The following DCLK1 variants were observed in gnomAD, a reference collection of about 807,000 sequenced individuals.
The protein encoded by DCLK1 is serine/threonine-protein kinase DCLK1.
DCLK1 carries 16 observed loss-of-function variants against 86.2 expected under a neutral mutation model. The ratio of observed to expected loss-of-function variants is 0.19; its 90% CI spans 0.13 to 0.28. The LOEUF is 0.28. Among genes scored for constraint, DCLK1 ranks in the 10% least tolerant of loss-of-function variants. DCLK1 has a pLI of 1.00. For synonymous variants in DCLK1, 369 were observed against 370.5 expected, an observed-to-expected ratio of 1.00 and a Z score of 0.05; for missense variants, 590 against 940.2, an observed-to-expected ratio of 0.63 and a Z score of 4.87.
chr13:36,090,065 G>A (rs1376120689), intron 3 of DCLK1, among the ~76,000 whole-genome samples: 3 of 152,264 alleles, frequency 2.0e-5, no homozygotes, highest in South Asian at 2.1e-4. Context: ...CATAAACTAC[G>A]ACATGCCCTC....
At chr13:36,029,267 C>A (rs1415222673) in intron 3 of DCLK1, among the ~76,000 whole-genome samples, 1 of 152,176 alleles carries the variant, frequency 6.6e-6, no homozygotes, top group Admixed American at 6.5e-5. Context: ...CTATTGCACA[C>A]TCTCACGGCA....
chr13:35,943,196 T>G (rs1877181259), intron 4 of DCLK1, among the ~76,000 whole-genome samples: 1 of 152,088 alleles, frequency 6.6e-6, no homozygotes, highest in Non-Finnish European at 1.5e-5. Context: ...GGGGAGAAGG[T>G]TACATGAAGA....
At chr13:36,016,435 T>G (rs1414941288) in intron 3 of DCLK1, among the ~76,000 whole-genome samples, 1 of 152,084 alleles carries the variant, frequency 6.6e-6, no homozygotes, top group Non-Finnish European at 1.5e-5. Context: ...AATGATTCCA[T>G]TCCCTCCCCC....
intron 3 of DCLK1, among the ~76,000 whole-genome samples, chr13:35,980,508 T>G (rs1879583055): frequency 6.6e-6 from 1 of 152,132 alleles, no homozygotes; most frequent in African/African-American, 2.4e-5. Context: ...GTCTTTGTAA[T>G]TTTGAATACT....
chr13:35,918,036 C>G (rs1875537833), intron 4 of DCLK1, among the ~76,000 whole-genome samples: 1 of 152,144 alleles, frequency 6.6e-6, no homozygotes, highest in South Asian at 2.1e-4. Flanking sequence ...ATTCTCTTCT[C>G]TAAACACTGT....
At chr13:35,788,305 G>T in intron 16 of DCLK1, 1 of 1,611,364 alleles carries the variant, frequency 6.2e-7, no homozygotes, top group South Asian at 1.1e-5. Context: ...GAGAAATGGG[G>T]CAACTCAGTG....
At chr13:35,942,604 A>G (rs1877148004) in intron 4 of DCLK1, among the ~76,000 whole-genome samples, 1 of 152,234 alleles carries the variant, frequency 6.6e-6, no homozygotes, top group Admixed American at 6.5e-5. Flanking sequence ...TGATGGGACA[A>G]TCCTAATAGA....
At chr13:35,902,814 T>C (rs774353909) in intron 4 of DCLK1, among the ~76,000 whole-genome samples, 3 of 152,142 alleles carry the variant, frequency 2.0e-5, no homozygotes, top group Non-Finnish European at 4.4e-5. Context: ...CTGTGGATCC[T>C]AAAGGCATAT....
In DCLK1 at chr13:35,868,180, G is replaced by A. The variant is rs536394426; in HGVS notation, c.940+3044C>T. Among the ~76,000 whole-genome samples the A allele has an allele frequency of 5.9e-5, 9 of 151,820 alleles. No individual in the cohort carries two copies. In the South Asian group the frequency reaches 1.0e-3, roughly 18 times the overall value. ...TGGGACTACAGGCGCCTGCCACCACGCCCGGCTAATTTTTTGTATTTTTAG... is the reference window on the plus strand; with the variant it reads ...TGGGACTACAGGCGCCTGCCACCACACCCGGCTAATTTTTTGTATTTTTAG... On this transcript the variant is annotated intron_variant, in intron 5 of 16. Transcript: ENST00000360631.
At chr13:35,989,683 C>T (rs1416704979) in intron 3 of DCLK1, among the ~76,000 whole-genome samples, 1 of 150,186 alleles carries the variant, frequency 6.7e-6, no homozygotes, top group Non-Finnish European at 1.5e-5. Context: ...GCTAGGACTA[C>T]AGTGCACCAT....
chr13:35,947,795 T>C (rs1593758715), intron 3 of DCLK1, among the ~76,000 whole-genome samples: 2 of 152,204 alleles, frequency 1.3e-5, no homozygotes, highest in South Asian at 4.1e-4. Flanking sequence ...TACTCTTTGA[T>C]AGCAACACAA....
At chr13:36,077,228 T>C (rs1293233024) in intron 3 of DCLK1, among the ~76,000 whole-genome samples, 2 of 152,208 alleles carry the variant, frequency 1.3e-5, no homozygotes, top group Non-Finnish European at 2.9e-5. Flanking sequence ...TTTTATCTCC[T>C]TTCTGTATCC....
intron 2 of DCLK1, among the ~76,000 whole-genome samples, chr13:36,114,316 A>G (rs1885708738): frequency 6.6e-6 from 1 of 152,224 alleles, no homozygotes; most frequent in African/African-American, 2.4e-5. Context: ...CAATGATCAG[A>G]AGAAATATGT....
chr13:36,058,659 G>A (rs79433830), intron 3 of DCLK1, among the ~76,000 whole-genome samples: 9,182 of 152,168 alleles, frequency 0.06, 451 homozygotes, highest in African/African-American at 0.13. Flanking sequence ...TATTTGAGGG[G>A]TTATCTGAAG....
At position 35,859,855 on chromosome 13, in the gene DCLK1, CT is replaced by C. The variant is rs563211699; in HGVS notation, c.941-5263del. On this transcript the variant is annotated intron_variant, in intron 5 of 16. Coordinates refer to ENST00000360631, the MANE Select transcript of DCLK1 (RefSeq NM_001330071.2). ...TGGCTTAATTTACAAATTCATTGCC[CT>C]TTTAAATGACTTTCCACGCATATGT... Among the ~76,000 whole-genome samples, 368 of 152,312 alleles carry C rather than the reference CT, an allele frequency of 2.4e-3. 2 individuals carry two copies. The highest frequency in any genetic ancestry group is 4.0e-3 in the Non-Finnish European group (272 of 68,040).
At chr13:35,796,716 C>T (rs1366021308) in intron 15 of DCLK1, among the ~76,000 whole-genome samples, 1 of 152,176 alleles carries the variant, frequency 6.6e-6, no homozygotes, top group East Asian at 1.9e-4. Context: ...AGGCCTGAAA[C>T]TCTGTTCTTT....
chr13:35,942,415 C>A (rs1877137100), intron 4 of DCLK1, among the ~76,000 whole-genome samples: 1 of 152,184 alleles, frequency 6.6e-6, no homozygotes, highest in Non-Finnish European at 1.5e-5. Flanking sequence ...ATTCTTCTGA[C>A]CTCGTGATCC....
chr13:35,874,918 T>C (rs1872508818), intron 4 of DCLK1, among the ~76,000 whole-genome samples: 1 of 152,248 alleles, frequency 6.6e-6, no homozygotes, highest in Admixed American at 6.5e-5. Flanking sequence ...CAAACTGGAA[T>C]GCCACAATGT....
chr13:36,115,488 T>C (rs1411333641), intron 2 of DCLK1, among the ~76,000 whole-genome samples: 1 of 152,170 alleles, frequency 6.6e-6, no homozygotes, highest in Non-Finnish European at 1.5e-5. Context: ...GCAAACATCA[T>C]GATTTTCTGG....
Sources: gnomAD v4.1 joint callset for allele counts (sites outside exome capture counted in the v4.1 genomes callset) on GRCh38, gnomAD v4.1.1 for gene constraint, MANE v1.5 for transcripts, NCBI Gene and HGNC (gene_info 2026-07-23, HGNC 2026-07-21) for gene names.